ZNF697: variants seen among roughly 807,000 people sequenced by gnomAD.
ZNF697 encodes zinc finger protein 697.
Under a neutral mutation model 32.4 loss-of-function variants are expected in ZNF697, and 23 were observed. That is an observed-to-expected ratio of 0.71 (90% CI 0.51 to 1.01). The LOEUF is 1.01. Among genes scored for constraint, ZNF697 ranks in the 50% least tolerant of loss-of-function variants. The pLI is 0.00. For missense variants in ZNF697, 930 were observed against 794.0 expected (o/e 1.17, Z -2.06); for synonymous variants, 418 against 337.2 (o/e 1.24, Z -2.62).
chr1:119,626,040 C>T lies in ZNF697; in HGVS notation c.61G>A (p.Gly21Ser). 1.2e-6 allele frequency: 2 copies of T among 1,614,020 alleles called. No individual in the cohort carries two copies. The highest frequency in any genetic ancestry group is 1.6e-4 in the Middle Eastern group (1 of 6,062). Reference sequence around the variant, plus strand: ...TCCTCAGAGTCCTCAAAATCAGAACCCATCCCTTTGTCTTCTGAGTCCTGG... The same window carrying T: ...TCCTCAGAGTCCTCAAAATCAGAACTCATCCCTTTGTCTTCTGAGTCCTGG... Reference protein sequence around the residue: ...AHQDSEDKGMGSDFEDSEDRE... With the variant: ...AHQDSEDKGMSSDFEDSEDRE... The change falls in exon 2 of 3, where the codon GGT becomes AGT. Residue 21 changes from glycine to serine, a missense_variant. Physicochemically the swap from Gly to Ser is moderately conservative, Grantham distance 56. Coordinates refer to ENST00000421812, the MANE Select transcript of ZNF697 (RefSeq NM_001080470.2).
At chr1:119,625,832 G>A (rs1648562854) in intron 2 of ZNF697, 43 bp downstream of exon 2, 1 of 1,605,094 alleles carries the variant, frequency 6.2e-7, no homozygotes, top group East Asian at 2.2e-5. Context: ...AGAAGTAAGT[G>A]TAACTTTGGC....
In ZNF697 at chr1:119,623,140, G is replaced by A; in HGVS notation, c.1203C>T (p.Arg401=). Residue 401 remains arginine (R), a synonymous_variant, in exon 3 of 3, where the codon CGC becomes CGT. Transcript: ENST00000421812. ...TGTAGGGCTTCTCGCCCGTGTGCAC[G>A]CGCTGGTGCTTCACCAAGTCCGAGC... ...SWRSDLVKHQ[R]VHTGEKPYMC... 1.3e-6 allele frequency: 2 copies of A among 1,590,236 alleles called. No individual in the cohort carries two copies. Among genetic ancestry groups the A allele is most frequent in the South Asian group, 1.1e-5 (1 of 88,310 alleles).
intron 1 of ZNF697, among the ~76,000 whole-genome samples, chr1:119,632,950 G>A: frequency 6.6e-6 from 1 of 151,960 alleles, no homozygotes; most frequent in Middle Eastern, 3.2e-3. Flanking sequence ...TTTATTCCCT[G>A]TGCTCCACCA....
chr1:119,630,379 C>T (rs1032580614), intron 1 of ZNF697, among the ~76,000 whole-genome samples: 2 of 152,248 alleles, frequency 1.3e-5, no homozygotes, highest in African/African-American at 4.8e-5. Context: ...CATTCCACCA[C>T]CACCATCACA....
At chr1:119,628,260 G>T (rs911856980) in intron 1 of ZNF697, among the ~76,000 whole-genome samples, 2 of 152,178 alleles carry the variant, frequency 1.3e-5, no homozygotes, top group African/African-American at 4.8e-5. Flanking sequence ...GGATTTAGGA[G>T]TCCGATCTGG....
rs773022469 is a variant in ZNF697 at position 119,626,041 on chromosome 1, C to T, written c.60G>A (p.Met20Ile). ...CCTCAGAGTCCTCAAAATCAGAACC[C>T]ATCCCTTTGTCTTCTGAGTCCTGGT... ...CAHQDSEDKG[M>I]GSDFEDSEDR... is the part of the protein sequence containing the mutation. Residue 20 changes from methionine to isoleucine, a missense_variant, in exon 2 of 3, where the codon ATG (methionine) becomes ATA (isoleucine). Coordinates refer to ENST00000421812, the MANE Select transcript of ZNF697 (RefSeq NM_001080470.2). 3 of 1,613,908 alleles carry T rather than the reference C, an allele frequency of 1.9e-6. No homozygotes were observed. The highest frequency in any genetic ancestry group is 1.7e-6 in the Non-Finnish European group (2 of 1,179,898).
At chr1:119,630,640 T>C (rs1004082492) in intron 1 of ZNF697, among the ~76,000 whole-genome samples, 1 of 152,128 alleles carries the variant, frequency 6.6e-6, no homozygotes, top group African/African-American at 2.4e-5. Flanking sequence ...TGATAAAGTG[T>C]CTCTAAAAAG....
chr1:119,632,712 T>C (rs1254302661), intron 1 of ZNF697, among the ~76,000 whole-genome samples: 1 of 152,172 alleles, frequency 6.6e-6, no homozygotes. Flanking sequence ...ACCCTATTCC[T>C]CCTGCACGAA....
At position 119,621,500 on chromosome 1, in the gene ZNF697, A is replaced by G. The variant is rs945947533; in HGVS notation, c.*1205T>C. On this transcript the variant is annotated 3_prime_UTR_variant, in exon 3 of 3. Transcript: ENST00000421812. The stretch of plus-strand genomic sequence containing the variant: ...TGTTTGTGCTATTTGGCAATTTTGC[A>G]TTTACACCTCTCCCTGACTGGGCTC... 1 of 152,684 alleles carries G rather than the reference A, an allele frequency of 6.5e-6. No homozygotes were observed. Among genetic ancestry groups the G allele is most frequent in the African/African-American group, 2.4e-5 (1 of 41,464 alleles). The allele number at this position is 152,684 out of a possible 1,614,324, so 9.5% of individuals were successfully genotyped here.
intron 1 of ZNF697, among the ~76,000 whole-genome samples, chr1:119,633,356 ATGTGTGTGTGTGTG>A (rs58387828): frequency 1.2e-4 from 17 of 143,250 alleles, no homozygotes; most frequent in African/African-American, 4.0e-4. Context: ...AACCAATAGG[ATGTGTGTGTGTGTG>A]TGTGTGTGTG....
chr1:119,622,443 C>G lies in ZNF697; in HGVS notation c.*262G>C, dbSNP rs933841609. On this transcript the variant is annotated 3_prime_UTR_variant, in exon 3 of 3. Transcript: ENST00000421812. ...GCCTGGTCCTCCAAGCTCTTCACCC[C>G]CTACAGCGTGTATTTAAGGAAGTCA... is the stretch of plus-strand genomic sequence containing the variant. 36 of 546,806 alleles carry G rather than the reference C, an allele frequency of 6.6e-5. No homozygotes were observed. Among genetic ancestry groups the G allele is most frequent in the Non-Finnish European group, 9.3e-5 (32 of 344,104 alleles). 33.9% of individuals were successfully genotyped at this position (546,806 alleles called of 1,614,324 possible).
At chr1:119,630,556 G>A (rs184914436) in intron 1 of ZNF697, among the ~76,000 whole-genome samples, 7 of 152,322 alleles carry the variant, frequency 4.6e-5, no homozygotes, top group Admixed American at 4.6e-4. Flanking sequence ...ATGCTCAAGA[G>A]CCTTCTAGAC....
chr1:119,645,366 T>C (rs1256337409), intron 1 of ZNF697, among the ~76,000 whole-genome samples: 1 of 152,228 alleles, frequency 6.6e-6, no homozygotes, highest in Non-Finnish European at 1.5e-5. Flanking sequence ...TTTGGGCACT[T>C]GTTAGATATT....
rs1036329168 is a variant in ZNF697, at chr1:119,624,852, A to G, written c.227-736T>C. ...GTTTTCTGCCCACCTCGGCTCCCAA[A>G]GAGCTGGGATTACAGGCATGAGCCA... is the stretch of plus-strand genomic sequence containing the variant. On this transcript the variant is annotated intron_variant, in intron 2 of 2. Transcript: ENST00000421812. 7.2e-5 allele frequency among the ~76,000 whole-genome samples: 11 copies of G among 152,014 alleles called. No homozygotes were observed. In the East Asian group the frequency reaches 2.1e-3, roughly 29 times the overall value.
At position 119,626,026 on chromosome 1, in the gene ZNF697, C is replaced by T; in HGVS notation, c.75G>A (p.Glu25=). 1 of 1,614,002 alleles carries T rather than the reference C, an allele frequency of 6.2e-7. No homozygotes were observed. Among genetic ancestry groups the T allele is most frequent in the South Asian group, 1.1e-5 (1 of 91,082 alleles). The change falls in exon 2 of 3, where the codon GAG becomes GAA. Residue 25 remains glutamate, a synonymous_variant. Transcript: ENST00000421812. The part of the protein sequence containing the change: ...SEDKGMGSDF[E]DSEDREGDPE... ...GGTCCCCTTCCCTGTCCTCAGAGTC[C>T]TCAAAATCAGAACCCATCCCTTTGT... is the stretch of plus-strand genomic sequence containing the variant.
At position 119,623,666 on chromosome 1, in the gene ZNF697, C is replaced by T. The variant is rs1463696229; in HGVS notation, c.677G>A (p.Gly226Asp). The change falls in exon 3 of 3, where the codon GGC becomes GAC. Residue 226 changes from glycine (G) to aspartate (D), a missense_variant. By Grantham distance (94) the Gly-to-Asp change is moderately conservative. Transcript: ENST00000421812. ...CATCGCGTCGCACTCGCCCGCCAGG[C>T]CGAAGGGCTCCAGGCTGGCGGCGGC... is the stretch of plus-strand genomic sequence containing the variant. ...AAAAASLEPF[G>D]LAGECDAMVG... is the part of the protein sequence containing the mutation. The T allele has an allele frequency of 7.3e-6, 11 of 1,513,968 alleles. No individual in the cohort carries two copies. Among genetic ancestry groups the T allele is most frequent in the East Asian group, 2.5e-5 (1 of 39,820 alleles). The allele number at this position is 1,513,968 out of a possible 1,614,324, so 93.8% of individuals were successfully genotyped here.
intron 1 of ZNF697, among the ~76,000 whole-genome samples, chr1:119,639,785 G>A (rs1649017989): frequency 1.3e-5 from 2 of 151,656 alleles, no homozygotes; most frequent in African/African-American, 4.8e-5. Flanking sequence ...GGCTGAGGTG[G>A]GAGGATTGCT....
rs764621371 is a variant in ZNF697 at position 119,623,902 on chromosome 1, G to A, written c.441C>T (p.Leu147=). ...APPVLPWRRH[L]SLGSRHRGDK... ...CACCTCGGTGCCGACTCCCCAGGGA[G>A]AGATGTCGCCTCCAGGGAAGTACGG... Residue 147 remains leucine (L), a synonymous_variant, in exon 3 of 3, where the codon CTC becomes CTT. Coordinates refer to ENST00000421812, the MANE Select transcript of ZNF697 (RefSeq NM_001080470.2). The A allele has an allele frequency of 1.9e-6, 3 of 1,556,092 alleles. No homozygotes were observed. Among genetic ancestry groups the A allele is most frequent in the African/African-American group, 1.4e-5 (1 of 73,652 alleles).
intron 1 of ZNF697, among the ~76,000 whole-genome samples, chr1:119,639,617 G>A (rs758375275): frequency 5.9e-5 from 9 of 151,604 alleles, no homozygotes; most frequent in Non-Finnish European, 8.8e-5. Flanking sequence ...AGTGGCTCAC[G>A]CCTGTAATCC....
Sources: gnomAD v4.1 joint callset for allele counts (sites outside exome capture counted in the v4.1 genomes callset) on GRCh38, gnomAD v4.1.1 for gene constraint, MANE v1.5 for transcripts, NCBI Gene and HGNC (gene_info 2026-07-23, HGNC 2026-07-21) for gene names.